Variants in PPARGC1A observed in about 807,000 individuals in gnomAD.
PPARGC1A encodes PPARG coactivator 1 alpha, also known as peroxisome proliferator-activated receptor gamma coactivator 1-alpha.
A neutral mutation model predicts 88.7 loss-of-function variants in PPARGC1A; 25 were observed. The observed-to-expected ratio is 0.28, with a 90% CI of 0.21 to 0.39. The LOEUF is 0.39. Among genes scored for constraint, PPARGC1A ranks in the 10% least tolerant of loss-of-function variants. The probability of loss-of-function intolerance (pLI) is 1.00; values close to 1 mark genes in which losing one functional copy is unlikely to be tolerated. For missense variants in PPARGC1A, 880 were observed against 968.7 expected, an observed-to-expected ratio of 0.91 and a Z score of 1.22; for synonymous variants, 363 against 355.6, an observed-to-expected ratio of 1.02 and a Z score of -0.24.
the PPARGC1A span, among the ~76,000 whole-genome samples, chr4:24,328,772 C>A: frequency 3.8e-4 from 58 of 152,278 alleles, 1 homozygote; most frequent in South Asian, 0.012. Flanking sequence ...TTGCTTTAAA[C>A]GGTCTGATTC....
chr4:23,846,959 T>G (rs920270367), intron 2 of PPARGC1A, among the ~76,000 whole-genome samples: 3 of 152,194 alleles, frequency 2.0e-5, no homozygotes, highest in Non-Finnish European at 4.4e-5. Context: ...TTCTTCTGAC[T>G]CTTACAGAGT....
chr4:24,348,451 G>A, the PPARGC1A span, among the ~76,000 whole-genome samples: 1 of 152,094 alleles, frequency 6.6e-6, no homozygotes, highest in Non-Finnish European at 1.5e-5. Context: ...TTATTCTTAG[G>A]TTTGGTCGTT....
At chr4:24,400,310 T>C in the PPARGC1A span, among the ~76,000 whole-genome samples, 3 of 152,094 alleles carry the variant, frequency 2.0e-5, no homozygotes, top group Non-Finnish European at 4.4e-5. Flanking sequence ...CTAATCAGCT[T>C]CCATCGAATA....
chr4:24,295,253 C>G, the PPARGC1A span, among the ~76,000 whole-genome samples: 1 of 152,174 alleles, frequency 6.6e-6, no homozygotes, highest in Non-Finnish European at 1.5e-5. Context: ...TTCCCTCCAT[C>G]ACAACTTTGA....
chr4:24,174,178 C>G, the PPARGC1A span, among the ~76,000 whole-genome samples: 1 of 152,048 alleles, frequency 6.6e-6, no homozygotes, highest in African/African-American at 2.4e-5. Flanking sequence ...AATCAAGGGC[C>G]CTGTAAATGG....
chr4:24,163,109 A>G, the PPARGC1A span, among the ~76,000 whole-genome samples: 6 of 150,614 alleles, frequency 4.0e-5, no homozygotes, highest in African/African-American at 1.5e-4. Context: ...GTCTTTATTT[A>G]TTTCTCAAAA....
At chr4:24,365,846 G>A in the PPARGC1A span, among the ~76,000 whole-genome samples, 2 of 151,990 alleles carry the variant, frequency 1.3e-5, no homozygotes, top group Middle Eastern at 3.4e-3. Flanking sequence ...GCACATTCAC[G>A]ACTCTGTAAT....
chr4:24,268,361 G>A, the PPARGC1A span, among the ~76,000 whole-genome samples: 5 of 152,118 alleles, frequency 3.3e-5, no homozygotes, highest in Non-Finnish European at 7.4e-5. Flanking sequence ...TATAACACAT[G>A]CTTAAACCCT....
At chr4:24,329,102 G>A in the PPARGC1A span, among the ~76,000 whole-genome samples, 3 of 151,854 alleles carry the variant, frequency 2.0e-5, no homozygotes, top group Non-Finnish European at 2.9e-5. Flanking sequence ...GCTGACAAAT[G>A]TGGAACGGAG....
chr4:24,175,687 C>T, the PPARGC1A span, among the ~76,000 whole-genome samples: 2 of 151,580 alleles, frequency 1.3e-5, no homozygotes, highest in African/African-American at 2.4e-5. Flanking sequence ...TGCGCCCAGT[C>T]GATTTTTTTT....
At chr4:24,226,608 T>C in the PPARGC1A span, among the ~76,000 whole-genome samples, 1 of 152,348 alleles carries the variant, frequency 6.6e-6, no homozygotes, top group South Asian at 2.1e-4. Flanking sequence ...GTTTATTTCC[T>C]TGGTTCCACA....
chr4:24,147,678 T>A, the PPARGC1A span, among the ~76,000 whole-genome samples: 1 of 152,092 alleles, frequency 6.6e-6, no homozygotes. Context: ...GAAACCATCA[T>A]CTCTGTGAGT....
At chr4:24,162,152 G>A in the PPARGC1A span, among the ~76,000 whole-genome samples, 1 of 152,106 alleles carries the variant, frequency 6.6e-6, no homozygotes, top group Non-Finnish European at 1.5e-5. Flanking sequence ...CTCATAAATG[G>A]GAGTTAAGCT....
the PPARGC1A span, among the ~76,000 whole-genome samples, chr4:24,159,017 C>T: frequency 6.6e-6 from 1 of 151,962 alleles, no homozygotes; most frequent in Non-Finnish European, 1.5e-5. Context: ...TGTACAATAA[C>T]GGTACTTAAT....
At chr4:23,916,893 A>G in the PPARGC1A span, among the ~76,000 whole-genome samples, 2 of 152,346 alleles carry the variant, frequency 1.3e-5, no homozygotes, top group African/African-American at 4.8e-5. Context: ...ATTAACATGA[A>G]CATTTTTAAA....
the PPARGC1A span, among the ~76,000 whole-genome samples, chr4:24,271,271 A>G: frequency 1.3e-5 from 2 of 152,178 alleles, no homozygotes; most frequent in Non-Finnish European, 1.5e-5. Context: ...GTTCAAGTTC[A>G]AGAAATGCAC....
the PPARGC1A span, among the ~76,000 whole-genome samples, chr4:24,115,396 G>A: frequency 6.6e-6 from 1 of 152,104 alleles, no homozygotes; most frequent in East Asian, 1.9e-4. Flanking sequence ...AGGGCAGGTA[G>A]CAAAGGCAAT....
chr4:24,149,629 C>T, the PPARGC1A span, among the ~76,000 whole-genome samples: 59 of 152,216 alleles, frequency 3.9e-4, no homozygotes, highest in South Asian at 6.2e-3. Flanking sequence ...TGTAAGAGCT[C>T]AGACAAACTC....
chr4:23,882,425 G>T (rs976735266), intron 2 of PPARGC1A, among the ~76,000 whole-genome samples: 1 of 151,946 alleles, frequency 6.6e-6, no homozygotes, highest in African/African-American at 2.4e-5. Flanking sequence ...TTTTTTCATT[G>T]GAGGCTGAAT....
Sources: gnomAD v4.1 joint callset for allele counts (sites outside exome capture counted in the v4.1 genomes callset) on GRCh38, gnomAD v4.1.1 for gene constraint, MANE v1.5 for transcripts, NCBI Gene and HGNC (gene_info 2026-07-23, HGNC 2026-07-21) for gene names.